MTMR9: variants seen among roughly 807,000 people sequenced by gnomAD.
The protein encoded by MTMR9 is myotubularin-related protein 9.
A neutral mutation model predicts 69.5 loss-of-function variants in MTMR9; 39 were observed. The ratio of observed to expected loss-of-function variants is 0.56; its 90% CI spans 0.43 to 0.73. The LOEUF is 0.73. MTMR9 is among the 30% of genes least tolerant of loss of function. MTMR9 has a pLI of 0.00. For missense variants in MTMR9, 900 were observed against 671.2 expected (o/e 1.34, Z -3.77); for synonymous variants, 354 against 240.8 (o/e 1.47, Z -4.35).
chr8:11,290,469 C>G (rs1035815040), intron 1 of MTMR9, among the ~76,000 whole-genome samples: 1 of 151,858 alleles, frequency 6.6e-6, no homozygotes, highest in African/African-American at 2.4e-5. Context: ...TAATGCAGAA[C>G]TTGCCAATGT....
In MTMR9 at chr8:11,316,653, C is replaced by T. The variant is rs369626418; in HGVS notation, c.1114-20C>T. On this transcript the variant is annotated intron_variant, in intron 7 of 9. Coordinates refer to ENST00000221086, the MANE Select transcript of MTMR9 (RefSeq NM_015458.4). ...TGATCTCACCAGGATATGACTGTCA[C>T]GCCTCCATCTTCCCCCTAGGCTGGT... 19 of 1,542,122 alleles carry T rather than the reference C, an allele frequency of 1.2e-5. No homozygotes were observed. Among genetic ancestry groups the T allele is most frequent in the Non-Finnish European group, 1.5e-5 (17 of 1,139,970 alleles).
At chr8:11,316,044 C>T (rs941539079) in intron 7 of MTMR9, 3 of 152,164 alleles carry the variant, frequency 2.0e-5, no homozygotes, top group Non-Finnish European at 4.4e-5. Flanking sequence ...TCAAATGAGT[C>T]TTAAATTTAC....
rs1425299954 is a variant in MTMR9 at position 11,327,039 on chromosome 8, T to G, written c.*4251T>G. The G allele has an allele frequency of 6.6e-6, 1 of 152,024 alleles. No homozygotes were observed. The highest frequency in any genetic ancestry group is 1.5e-5 in the Non-Finnish European group (1 of 68,010). The allele number at this position is 152,024 out of a possible 1,614,324, so 9.4% of individuals were successfully genotyped here. ...TCTCAGATGATAAAATATATACTGA[T>G]ACTATAACTTTCTTATGGTATCAGT... On this transcript the variant is annotated 3_prime_UTR_variant, in exon 10 of 10. Coordinates refer to ENST00000221086, the MANE Select transcript of MTMR9 (RefSeq NM_015458.4).
chr8:11,310,683 A>G (rs545749297), intron 6 of MTMR9, among the ~76,000 whole-genome samples: 2 of 152,258 alleles, frequency 1.3e-5, no homozygotes, highest in South Asian at 2.1e-4. Context: ...CAAATACATA[A>G]TGATTTTGTT....
In MTMR9 at chr8:11,327,015, C is replaced by G. The variant is rs537837884; in HGVS notation, c.*4227C>G. 6.7e-6 allele frequency: 1 copy of G among 149,078 alleles called. No individual in the cohort carries two copies. The highest frequency in any genetic ancestry group is 2.5e-5 in the African/African-American group (1 of 40,674). 9.2% of individuals were successfully genotyped at this position (149,078 alleles called of 1,614,324 possible). The stretch of plus-strand genomic sequence containing the variant: ...ACTCATTTATCCATTTACATTTATT[C>G]TCAGATGATAAAATATATACTGATA... On this transcript the variant is annotated 3_prime_UTR_variant, in exon 10 of 10. Transcript: ENST00000221086.
chr8:11,315,419 C>T (rs937790984), intron 7 of MTMR9, among the ~76,000 whole-genome samples: 8 of 152,090 alleles, frequency 5.3e-5, no homozygotes, highest in Non-Finnish European at 1.0e-4. Flanking sequence ...GCAAGGAAAG[C>T]GCTTTAACCC....
At chr8:11,305,582 A>G (rs1563275396) in intron 4 of MTMR9, among the ~76,000 whole-genome samples, 1 of 152,206 alleles carries the variant, frequency 6.6e-6, no homozygotes, top group Non-Finnish European at 1.5e-5. Context: ...TGATTTCTAG[A>G]GAAAAGTTTC....
chr8:11,328,754 C>A (rs1801060459), downstream of MTMR9, among the ~76,000 whole-genome samples: 1 of 152,126 alleles, frequency 6.6e-6, no homozygotes, highest in Non-Finnish European at 1.5e-5. Flanking sequence ...AAAATACTAA[C>A]TTTATAGTGA....
At chr8:11,335,846 G>A in the MTMR9 span, among the ~76,000 whole-genome samples, 36 of 152,012 alleles carry the variant, frequency 2.4e-4, no homozygotes, top group African/African-American at 7.5e-4. Context: ...GGATTATATC[G>A]CACCCTAATG....
intron 7 of MTMR9, chr8:11,316,260 G>C (rs928002617): frequency 5.9e-5 from 9 of 153,376 alleles, no homozygotes; most frequent in African/African-American, 2.2e-4. Context: ...GGCTTGTTTA[G>C]TGTACAGCAC....
intron 3 of MTMR9, among the ~76,000 whole-genome samples, 168 bp from the exon 4 acceptor site, chr8:11,304,673 C>T (rs1218315789): frequency 6.6e-6 from 1 of 152,194 alleles, no homozygotes; most frequent in Non-Finnish European, 1.5e-5. Context: ...CCATAGAGCT[C>T]CTTTTCTCTG....
At chr8:11,303,724 G>A (rs1799834467) in intron 3 of MTMR9, among the ~76,000 whole-genome samples, 1 of 152,130 alleles carries the variant, frequency 6.6e-6, no homozygotes, top group South Asian at 2.1e-4. Context: ...AGTGGATATG[G>A]GGTTTGGCCA....
At chr8:11,295,576 G>A (rs577326737) in intron 2 of MTMR9, among the ~76,000 whole-genome samples, 3 of 152,276 alleles carry the variant, frequency 2.0e-5, no homozygotes, top group Admixed American at 6.5e-5. Flanking sequence ...ATTTCCATGA[G>A]TTCATATTGG....
At chr8:11,321,546 T>C (rs1268971587) in intron 9 of MTMR9, 1 of 455,678 alleles carries the variant, frequency 2.2e-6, no homozygotes, top group Admixed American at 2.3e-5. Flanking sequence ...GTTCTGTGGA[T>C]TAAGTCCTGC....
intron 2 of MTMR9, among the ~76,000 whole-genome samples, chr8:11,299,133 G>A (rs914343588): frequency 1.3e-5 from 2 of 152,060 alleles, no homozygotes; most frequent in African/African-American, 4.8e-5. Context: ...TTCAAGTCTG[G>A]CCTGGCCAAC....
chr8:11,300,917 A>G (rs930943322), intron 3 of MTMR9: 2 of 152,228 alleles, frequency 1.3e-5, no homozygotes, highest in African/African-American at 2.4e-5. Context: ...AGACCATTAG[A>G]TAGTAGATAT....
At chr8:11,301,795 A>C (rs2117392550) in intron 3 of MTMR9, among the ~76,000 whole-genome samples, 1 of 152,380 alleles carries the variant, frequency 6.6e-6, no homozygotes, top group South Asian at 2.1e-4. Flanking sequence ...AATGTTAAGT[A>C]GCTGATTAGA....
intron 5 of MTMR9, among the ~76,000 whole-genome samples, chr8:11,308,443 A>G (rs1800056545): frequency 2.0e-5 from 3 of 152,154 alleles, no homozygotes; most frequent in African/African-American, 7.2e-5. Context: ...TTAGCTTTGT[A>G]GCATATTTTA....
chr8:11,306,079 A>G, intron 4 of MTMR9, 111 bp from the exon 5 acceptor site: 1 of 826,050 alleles, frequency 1.2e-6, no homozygotes, highest in Non-Finnish European at 1.9e-6. Context: ...ATCCATCTGC[A>G]GAGTGTCACA....
Sources: gnomAD v4.1 joint callset for allele counts (sites outside exome capture counted in the v4.1 genomes callset) on GRCh38, gnomAD v4.1.1 for gene constraint, MANE v1.5 for transcripts, NCBI Gene and HGNC (gene_info 2026-07-23, HGNC 2026-07-21) for gene names.